The following GNG11 variants were observed in gnomAD, a reference collection of about 807,000 sequenced individuals.
GNG11 encodes the protein G protein subunit gamma 11.
Under a neutral mutation model 7.4 loss-of-function variants are expected in GNG11, and 6 were observed. That is an observed-to-expected ratio of 0.81 (90% CI 0.44 to 1.60). The LOEUF (loss-of-function observed/expected upper bound fraction) is 1.60. Ranked by LOEUF, GNG11 falls within the 40% of genes most tolerant of loss-of-function variation. GNG11 has a pLI of 0.01. For synonymous variants in GNG11, 31 were observed against 25.9 expected (o/e 1.20, Z -0.60); for missense variants, 65 against 83.0 (o/e 0.78, Z 0.84).
intron 1 of GNG11, among the ~76,000 whole-genome samples, chr7:93,923,086 A>C (rs540131529): frequency 1.3e-5 from 2 of 152,354 alleles, no homozygotes; most frequent in East Asian, 3.9e-4. Flanking sequence ...AAGGTCTTTG[A>C]ATAGATATTG....
rs1394482315 is a variant in GNG11, at chr7:93,927,556, T to C, written c.*1340T>C. The C allele has an allele frequency of 6.6e-6, 1 of 152,218 alleles. No homozygotes were observed. Among genetic ancestry groups the C allele is most frequent in the Non-Finnish European group, 1.5e-5 (1 of 68,064 alleles). The allele number at this position is 152,218 out of a possible 1,614,324, so 9.4% of individuals were successfully genotyped here. On this transcript the variant is annotated 3_prime_UTR_variant, in exon 2 of 2. Transcript: ENST00000248564. ...TCAATGTGGCACCAGAAGCCAATGT[T>C]TCTCCTTGACTAGCTCTTTTCTCCC...
In GNG11 at chr7:93,922,160, A is replaced by G; in HGVS notation, c.23A>G (p.Asp8Gly). ...AAAATGCCTGCCCTTCACATCGAAG[A>G]TTTGCCAGAGAAGGAAAAACTGAAA... MPALHIE[D>G]LPEKEKLKME... The change falls in exon 1 of 2, where the codon GAT becomes GGT. Residue 8 changes from aspartate (D) to glycine (G), a missense_variant. Coordinates refer to ENST00000248564, the MANE Select transcript of GNG11 (RefSeq NM_004126.4). 1.3e-6 allele frequency: 2 copies of G among 1,593,850 alleles called. No homozygotes were observed. Among genetic ancestry groups the G allele is most frequent in the Non-Finnish European group, 1.7e-6 (2 of 1,166,398 alleles).
chr7:93,924,856 T>C (rs1289972029), intron 1 of GNG11, among the ~76,000 whole-genome samples: 1 of 152,252 alleles, frequency 6.6e-6, no homozygotes, highest in African/African-American at 2.4e-5. Flanking sequence ...CCAGTTTTCA[T>C]AGGTCTCCAT....
intron 1 of GNG11, among the ~76,000 whole-genome samples, chr7:93,924,558 A>C (rs1794651028): frequency 6.6e-6 from 1 of 152,192 alleles, no homozygotes; most frequent in Non-Finnish European, 1.5e-5. Context: ...CCTAGTTTTC[A>C]ATTTGAGGTC....
chr7:93,928,230 C>G lies in GNG11; in HGVS notation c.*2014C>G, dbSNP rs1794707224. The stretch of plus-strand genomic sequence containing the variant: ...ATCCATTTGTGTACACTCCCAAGTC[C>G]TAGCTTTTGCTCTTCATGTCTCTTT... On this transcript the variant is annotated 3_prime_UTR_variant, in exon 2 of 2. Coordinates refer to ENST00000248564, the MANE Select transcript of GNG11 (RefSeq NM_004126.4). The G allele has an allele frequency of 6.6e-6, 1 of 152,136 alleles. No individual in the cohort carries two copies. Among genetic ancestry groups the G allele is most frequent in the Non-Finnish European group, 1.5e-5 (1 of 68,030 alleles). 9.4% of individuals were successfully genotyped at this position (152,136 alleles called of 1,614,324 possible).
At position 93,927,548 on chromosome 7, in the gene GNG11, G is replaced by A. The variant is rs759680423; in HGVS notation, c.*1332G>A. 1.2e-4 allele frequency: 19 copies of A among 152,200 alleles called. No homozygotes were observed. Among genetic ancestry groups the A allele is most frequent in the Non-Finnish European group, 2.2e-4 (15 of 68,048 alleles). The allele number at this position is 152,200 out of a possible 1,614,324, so 9.4% of individuals were successfully genotyped here. On this transcript the variant is annotated 3_prime_UTR_variant, in exon 2 of 2. Coordinates refer to ENST00000248564, the MANE Select transcript of GNG11 (RefSeq NM_004126.4). Reference sequence around the variant, plus strand: ...TGCAATTTTCAATGTGGCACCAGAAGCCAATGTTTCTCCTTGACTAGCTCT... The same window carrying A: ...TGCAATTTTCAATGTGGCACCAGAAACCAATGTTTCTCCTTGACTAGCTCT...
chr7:93,925,699 T>C (rs1302907678), intron 1 of GNG11, among the ~76,000 whole-genome samples: 2 of 152,182 alleles, frequency 1.3e-5, no homozygotes, highest in Non-Finnish European at 2.9e-5. Context: ...TATATTTCAG[T>C]TCCTAAAATA....
chr7:93,925,064 T>C (rs1562789342), intron 1 of GNG11, among the ~76,000 whole-genome samples: 2 of 152,176 alleles, frequency 1.3e-5, no homozygotes, highest in Non-Finnish European at 2.9e-5. Flanking sequence ...CTTGGGAGGC[T>C]GAGGCAGGAG....
rs1185189862 is a variant in GNG11 at position 93,927,465 on chromosome 7, G to A, written c.*1249G>A. On this transcript the variant is annotated 3_prime_UTR_variant, in exon 2 of 2. Coordinates refer to ENST00000248564, the MANE Select transcript of GNG11 (RefSeq NM_004126.4). ...TCCAAGTTTGAGCCAAAAGAAAAAC[G>A]TGGAAAAACCCTTGCTGGTTAGCTC... 5 of 152,100 alleles carry A rather than the reference G, an allele frequency of 3.3e-5. No individual in the cohort carries two copies. The highest frequency in any genetic ancestry group is 7.2e-5 in the African/African-American group (3 of 41,406). The allele number at this position is 152,100 out of a possible 1,614,324, so 9.4% of individuals were successfully genotyped here. A position where few individuals can be genotyped will look rare whatever the true frequency, so the allele number is the denominator to read the frequency against.
Position 93,928,104 on chromosome 7 carries a change from C to G in GNG11, c.*1888C>G, listed in dbSNP as rs1794705863. The G allele has an allele frequency of 6.7e-6, 1 of 149,408 alleles. No individual in the cohort carries two copies. The highest frequency in any genetic ancestry group is 2.6e-5 in the African/African-American group (1 of 38,780). 9.3% of individuals were successfully genotyped at this position (149,408 alleles called of 1,614,324 possible). ...TTACTGGCAAGGCAGTTTAAATCAC[C>G]TGCTTCTTTCATGAAAGGCCAAGAC... is the stretch of plus-strand genomic sequence containing the variant. On this transcript the variant is annotated 3_prime_UTR_variant, in exon 2 of 2. Coordinates refer to ENST00000248564, the MANE Select transcript of GNG11 (RefSeq NM_004126.4).
intron 1 of GNG11, among the ~76,000 whole-genome samples, chr7:93,923,079 G>T (rs2115928907): frequency 6.6e-6 from 1 of 152,226 alleles, no homozygotes; most frequent in East Asian, 1.9e-4. Context: ...ACTAGGAAAG[G>T]TCTTTGAATA....
In GNG11 at chr7:93,927,677, T is replaced by G. The variant is rs376309195; in HGVS notation, c.*1461T>G. The G allele has an allele frequency of 2.0e-5, 3 of 152,308 alleles. No individual in the cohort carries two copies. The highest frequency in any genetic ancestry group is 3.9e-4 in the East Asian group (2 of 5,182). The allele number at this position is 152,308 out of a possible 1,614,324, so 9.4% of individuals were successfully genotyped here. ...TATATCAGCATCCTCGTTCTGAAAT[T>G]CCTTTCCTTTCCCTCTCTGGGAAAG... is the stretch of plus-strand genomic sequence containing the variant. On this transcript the variant is annotated 3_prime_UTR_variant, in exon 2 of 2. Transcript: ENST00000248564.
chr7:93,926,409 A>T lies in GNG11; in HGVS notation c.*193A>T. 2.6e-6 allele frequency: 1 copy of T among 378,258 alleles called. No individual in the cohort carries two copies. Among genetic ancestry groups the T allele is most frequent in the Non-Finnish European group, 4.8e-6 (1 of 210,096 alleles). The allele number at this position is 378,258 out of a possible 1,614,324, so 23.4% of individuals were successfully genotyped here. On this transcript the variant is annotated 3_prime_UTR_variant, in exon 2 of 2. Transcript: ENST00000248564. ...CTCACTATGCAGTCTTTTTTAAGAG[A>T]GCAGAGAGTATCAGATGTACAATTA...
Position 93,922,147 on chromosome 7 carries a change from C to CT in GNG11, c.12dup (p.His5SerfsTer16), listed in dbSNP as rs772515681. 6.3e-7 allele frequency: 1 copy of CT among 1,592,090 alleles called. No individual in the cohort carries two copies. Reference sequence around the variant, plus strand: ...CGGTTCTGGGGCGAAAATGCCTGCCCTTCACATCGAAGATTTGCCAGAGAA... The same window carrying CT: ...CGGTTCTGGGGCGAAAATGCCTGCCCTTTCACATCGAAGATTTGCCAGAGAA... On this transcript the variant is annotated frameshift_variant, in exon 1 of 2. Transcript: ENST00000248564. LOFTEE classifies it high-confidence loss of function.
rs761175044 is a variant in GNG11 at position 93,926,264 on chromosome 7, A to G, written c.*48A>G. ...CTAAGTGGAAGAACTAGTTTGTTTT[A>G]GTTTTCCCAGATAAAACCAACATGC... On this transcript the variant is annotated 3_prime_UTR_variant, in exon 2 of 2. Coordinates refer to ENST00000248564, the MANE Select transcript of GNG11 (RefSeq NM_004126.4). 1.0e-5 allele frequency: 15 copies of G among 1,456,534 alleles called. 1 individual carries two copies. Among genetic ancestry groups the G allele is most frequent in the Non-Finnish European group, 1.3e-5 (14 of 1,078,924 alleles). 90.2% of individuals were successfully genotyped at this position (1,456,534 alleles called of 1,614,324 possible).
intron 1 of GNG11, among the ~76,000 whole-genome samples, chr7:93,922,594 A>G (rs1794631174): frequency 1.3e-5 from 2 of 152,244 alleles, no homozygotes; most frequent in African/African-American, 4.8e-5. Context: ...ACTACTAGAA[A>G]GGATGATATT....
Position 93,926,885 on chromosome 7 carries a change from T to G in GNG11, c.*669T>G, listed in dbSNP as rs1037398785. On this transcript the variant is annotated 3_prime_UTR_variant, in exon 2 of 2. Coordinates refer to ENST00000248564, the MANE Select transcript of GNG11 (RefSeq NM_004126.4). ...TAGTAGCCTTGAAGAAAATACTGAG[T>G]TGGGGTTCAGGAAGAGTGCCCTGCC... 1 of 152,344 alleles carries G rather than the reference T, an allele frequency of 6.6e-6. No individual in the cohort carries two copies. The highest frequency in any genetic ancestry group is 2.4e-5 in the African/African-American group (1 of 41,454). 9.4% of individuals were successfully genotyped at this position (152,344 alleles called of 1,614,324 possible). A position where few individuals can be genotyped will look rare whatever the true frequency, so the allele number is the denominator to read the frequency against.
At chr7:93,925,126 T>C (rs1244019559) in intron 1 of GNG11, among the ~76,000 whole-genome samples, 1 of 152,206 alleles carries the variant, frequency 6.6e-6, no homozygotes, top group Non-Finnish European at 1.5e-5. Flanking sequence ...ATCCTGCCAC[T>C]GCACTCCAGC....
Position 93,926,563 on chromosome 7 carries a change from T to C in GNG11, c.*347T>C, listed in dbSNP as rs573243509. The C allele has an allele frequency of 6.3e-6, 1 of 158,376 alleles. No individual in the cohort carries two copies. Among genetic ancestry groups the C allele is most frequent in the South Asian group, 2.0e-4 (1 of 5,070 alleles). The allele number at this position is 158,376 out of a possible 1,614,324, so 9.8% of individuals were successfully genotyped here. A position where few individuals can be genotyped will look rare whatever the true frequency, so the allele number is the denominator to read the frequency against. ...GACACTTTTCATGCATTAACTTTTA[T>C]ATTTCTCCCCGTAATCTTTTGGGTG... On this transcript the variant is annotated 3_prime_UTR_variant, in exon 2 of 2. Transcript: ENST00000248564.
Sources: allele counts gnomAD v4.1 joint callset (sites outside exome capture counted in the v4.1 genomes callset), GRCh38; gene constraint gnomAD v4.1.1; transcripts MANE v1.5; gene names NCBI Gene and HGNC (gene_info 2026-07-23, HGNC 2026-07-21).